MYO9A: variants seen among roughly 807,000 people sequenced by gnomAD.
MYO9A encodes unconventional myosin-IXa.
In MYO9A, 103 loss-of-function variants were observed where a neutral mutation model predicts 293.3. That is an observed-to-expected ratio of 0.35 (90% CI 0.30 to 0.41). The LOEUF (loss-of-function observed/expected upper bound fraction) is 0.41. Among genes scored for constraint, MYO9A ranks in the 10% least tolerant of loss-of-function variants. MYO9A has a pLI of 1.00. For missense variants in MYO9A, 2,685 were observed against 3,033.0 expected, an observed-to-expected ratio of 0.89 and a Z score of 2.69; for synonymous variants, 1,001 against 1,035.7, an observed-to-expected ratio of 0.97 and a Z score of 0.64.
At chr15:71,925,186 TGTGTATATATACACATATATAC>T (rs1567277871) in intron 18 of MYO9A, among the ~76,000 whole-genome samples, 2 of 2,688 alleles carry the variant, frequency 7.4e-4, no homozygotes, top group African/African-American at 1.2e-3. Context: ...CATATATACA[TGTGTATATATACACATATATAC>T]ATGTGTATAT....
At chr15:71,850,579 A>G (rs1304531485) in intron 37 of MYO9A, among the ~76,000 whole-genome samples, 1 of 149,542 alleles carries the variant, frequency 6.7e-6, no homozygotes, top group Non-Finnish European at 1.5e-5. Context: ...ATCTTGGCCA[A>G]CATGGCAAAA....
intron 11 of MYO9A, among the ~76,000 whole-genome samples, chr15:71,984,726 C>A (rs1023195559): frequency 1.3e-5 from 2 of 152,148 alleles, no homozygotes; most frequent in African/African-American, 4.8e-5. Context: ...TGTGTCTTTT[C>A]AATTTCACAG....
intron 1 of MYO9A, among the ~76,000 whole-genome samples, chr15:72,087,871 G>A (rs536104023): frequency 6.6e-6 from 1 of 152,202 alleles, no homozygotes; most frequent in South Asian, 2.1e-4. Flanking sequence ...GAACTGTGCT[G>A]TTCTCCCAAA....
chr15:71,852,659 G>A (rs969323329), intron 35 of MYO9A, among the ~76,000 whole-genome samples: 1 of 152,172 alleles, frequency 6.6e-6, no homozygotes. Context: ...CACCATGCCC[G>A]GCCGGCTTCA....
At chr15:71,927,403 T>C (rs1396189549) in intron 18 of MYO9A, among the ~76,000 whole-genome samples, 5 of 152,202 alleles carry the variant, frequency 3.3e-5, no homozygotes, top group Non-Finnish European at 5.9e-5. Context: ...ATCTGTGTTT[T>C]GGGGGTCATA....
intron 2 of MYO9A, among the ~76,000 whole-genome samples, chr15:72,040,688 C>T (rs1049225865): frequency 2.6e-5 from 4 of 151,890 alleles, no homozygotes; most frequent in South Asian, 2.1e-4. Flanking sequence ...CTTTGCCTCC[C>T]GAAGAACCCG....
chr15:71,965,328 TTTTC>T (rs1184591116), intron 13 of MYO9A, among the ~76,000 whole-genome samples: 2 of 152,120 alleles, frequency 1.3e-5, no homozygotes, highest in Non-Finnish European at 2.9e-5. Flanking sequence ...ATCTATAATT[TTTTC>T]TTTTTTAAGT....
intron 6 of MYO9A, among the ~76,000 whole-genome samples, chr15:72,015,200 A>T (rs915740067): frequency 1.3e-5 from 2 of 152,086 alleles, no homozygotes; most frequent in Non-Finnish European, 2.9e-5. Flanking sequence ...TGGAGTATGC[A>T]GAGACCTTAT....
At chr15:71,914,316 T>A (rs1022729469) in intron 19 of MYO9A, among the ~76,000 whole-genome samples, 2 of 152,226 alleles carry the variant, frequency 1.3e-5, no homozygotes, top group African/African-American at 4.8e-5. Context: ...TGAAAATATT[T>A]GACTCATATC....
At chr15:71,952,366 G>A (rs995569185) in intron 14 of MYO9A, among the ~76,000 whole-genome samples, 80 of 152,160 alleles carry the variant, frequency 5.3e-4, no homozygotes, top group African/African-American at 1.9e-3. Context: ...TCCAACAAGT[G>A]TGTCAATAAT....
At chr15:71,938,291 A>G (rs1451646357) in intron 16 of MYO9A, among the ~76,000 whole-genome samples, 2 of 152,096 alleles carry the variant, frequency 1.3e-5, no homozygotes, top group East Asian at 1.9e-4. Context: ...AATACATTCT[A>G]GAAACAATGT....
intron 34 of MYO9A, among the ~76,000 whole-genome samples, chr15:71,859,290 T>G (rs2056012157): frequency 6.6e-6 from 1 of 152,224 alleles, no homozygotes; most frequent in Admixed American, 6.5e-5. Context: ...ATGTGTACAG[T>G]ATATTTTAGA....
chr15:71,870,131 C>T (rs1055540584), intron 32 of MYO9A, among the ~76,000 whole-genome samples: 1 of 151,720 alleles, frequency 6.6e-6, no homozygotes, highest in Non-Finnish European at 1.5e-5. Context: ...TTTTTTCTGT[C>T]CTGCAAGCTA....
intron 18 of MYO9A, among the ~76,000 whole-genome samples, chr15:71,932,426 T>A (rs1362021073): frequency 1.3e-5 from 2 of 151,916 alleles, no homozygotes; most frequent in African/African-American, 2.4e-5. Context: ...ATAAACTCCT[T>A]CCAAGGATAA....
chr15:71,954,406 G>A (rs569399457), intron 14 of MYO9A, among the ~76,000 whole-genome samples: 9 of 151,544 alleles, frequency 5.9e-5, no homozygotes, highest in African/African-American at 1.5e-4. Flanking sequence ...GGGTTTCACC[G>A]TGTTAGCCAG....
chr15:72,006,053 T>C (rs1200882665), intron 8 of MYO9A, among the ~76,000 whole-genome samples: 1 of 152,182 alleles, frequency 6.6e-6, no homozygotes, highest in African/African-American at 2.4e-5. Context: ...AAATGAGCTA[T>C]CAAGTCACAG....
At chr15:72,031,422 G>A (rs918624485) in intron 3 of MYO9A, among the ~76,000 whole-genome samples, 3 of 152,082 alleles carry the variant, frequency 2.0e-5, no homozygotes, top group African/African-American at 7.2e-5. Context: ...GGAGGAAGAG[G>A]CTGTAGTGAG....
intron 33 of MYO9A, among the ~76,000 whole-genome samples, chr15:71,860,236 T>A (rs183004939): frequency 6.6e-6 from 1 of 152,126 alleles, no homozygotes; most frequent in Non-Finnish European, 1.5e-5. Flanking sequence ...CTGTCAAAGA[T>A]CCCTCCTGAA....
At chr15:71,916,604 G>C (rs1246937988) in intron 18 of MYO9A, 112 bp from the exon 19 acceptor site, 1 of 1,014,496 alleles carries the variant, frequency 9.9e-7, no homozygotes, top group African/African-American at 1.6e-5. Context: ...CATCTTAAAT[G>C]ACTGTAGTGA....
Sources: allele counts gnomAD v4.1 joint callset (sites outside exome capture counted in the v4.1 genomes callset), GRCh38; gene constraint gnomAD v4.1.1; transcripts MANE v1.5; gene names NCBI Gene and HGNC (gene_info 2026-07-23, HGNC 2026-07-21).